The following MGAT4C variants were observed in gnomAD, a reference collection of about 807,000 sequenced individuals.
The protein encoded by MGAT4C is MGAT4 family member C, also known as alpha-1,3-mannosyl-glycoprotein 4-beta-N-acetylglucosaminyltransferase C.
A neutral mutation model predicts 40.1 loss-of-function variants in MGAT4C; 19 were observed. That is an observed-to-expected ratio of 0.47 (90% CI 0.33 to 0.70). The LOEUF (loss-of-function observed/expected upper bound fraction) is 0.70, where lower values mean the gene tolerates loss of function less well. MGAT4C is among the 30% of genes least tolerant of loss of function. The pLI is 0.02. For missense variants in MGAT4C, 491 were observed against 563.2 expected (o/e 0.87, Z 1.30); for synonymous variants, 181 against 187.1 (o/e 0.97, Z 0.27).
chr12:86,750,975 G>A (rs1391838430), intron 1 of MGAT4C, among the ~76,000 whole-genome samples: 1 of 151,904 alleles, frequency 6.6e-6, no homozygotes, highest in Non-Finnish European at 1.5e-5. Flanking sequence ...TTAAAGTGCT[G>A]TGAGAGGGTT....
intron 3 of MGAT4C, among the ~76,000 whole-genome samples, chr12:86,347,036 G>A (rs1393991275): frequency 6.6e-6 from 1 of 152,146 alleles, no homozygotes; most frequent in East Asian, 1.9e-4. Context: ...GGCACAGACT[G>A]AAGACTGCAC....
intron 2 of MGAT4C, among the ~76,000 whole-genome samples, chr12:86,664,030 A>C (rs1964041585): frequency 6.6e-6 from 1 of 152,154 alleles, no homozygotes; most frequent in African/African-American, 2.4e-5. Flanking sequence ...CTTGGCATTC[A>C]AACATTTGGA....
intron 1 of MGAT4C, among the ~76,000 whole-genome samples, chr12:86,104,477 C>T (rs1466731983): frequency 6.6e-6 from 1 of 151,812 alleles, no homozygotes; most frequent in African/African-American, 2.4e-5. Flanking sequence ...AAAATTGTCT[C>T]GTAATATTTA....
At chr12:86,603,649 T>C (rs1331279657) in intron 2 of MGAT4C, among the ~76,000 whole-genome samples, 1 of 125,974 alleles carries the variant, frequency 7.9e-6, no homozygotes, top group Non-Finnish European at 1.6e-5. Context: ...ATAGTATATA[T>C]TATATAGTCT....
At chr12:86,293,407 C>T (rs560836397) in intron 4 of MGAT4C, among the ~76,000 whole-genome samples, 116 of 152,098 alleles carry the variant, frequency 7.6e-4, no homozygotes, top group African/African-American at 2.6e-3. Flanking sequence ...TTTATCACTA[C>T]TTTTTAGATA....
chr12:86,448,497 T>A (rs1034163272), intron 2 of MGAT4C, among the ~76,000 whole-genome samples: 1 of 152,140 alleles, frequency 6.6e-6, no homozygotes, highest in African/African-American at 2.4e-5. Context: ...AAATGAAAAA[T>A]TATATCATTT....
chr12:86,364,592 G>T (rs1177675507), intron 3 of MGAT4C, among the ~76,000 whole-genome samples: 3 of 152,080 alleles, frequency 2.0e-5, no homozygotes, highest in African/African-American at 7.2e-5. Context: ...CAGATATTGG[G>T]CAAAATTCAC....
At chr12:86,003,747 TGAAGAAGAAGAA>T (rs147837764) in intron 2 of MGAT4C, among the ~76,000 whole-genome samples, 2 of 151,074 alleles carry the variant, frequency 1.3e-5, no homozygotes, top group African/African-American at 2.4e-5. Context: ...TGAAGTTTTG[TGAAGAAGAAGAA>T]GAAGAAGAAG....
chr12:86,090,593 A>G (rs927036451), intron 1 of MGAT4C, among the ~76,000 whole-genome samples: 4 of 151,824 alleles, frequency 2.6e-5, no homozygotes, highest in Admixed American at 1.3e-4. Context: ...CCGCAATGAG[A>G]AGTCTAATAC....
intron 2 of MGAT4C, among the ~76,000 whole-genome samples, chr12:86,017,710 G>T (rs77514354): frequency 0.071 from 10,767 of 152,078 alleles, 532 homozygotes; most frequent in Middle Eastern, 0.23. Context: ...ACGCAATTTA[G>T]GGACAGATAT....
chr12:86,371,605 C>G (rs1181520692), intron 3 of MGAT4C, among the ~76,000 whole-genome samples: 2 of 151,936 alleles, frequency 1.3e-5, no homozygotes, highest in Admixed American at 1.3e-4. Flanking sequence ...TATAAAGCCT[C>G]CCTCCCTATC....
At chr12:86,390,093 C>A (rs1275532349) in intron 3 of MGAT4C, among the ~76,000 whole-genome samples, 1 of 152,126 alleles carries the variant, frequency 6.6e-6, no homozygotes, top group African/African-American at 2.4e-5. Context: ...CTTGATTCAA[C>A]TGAGGATTCC....
At chr12:86,057,080 A>G (rs1490449539) in intron 1 of MGAT4C, among the ~76,000 whole-genome samples, 1 of 152,112 alleles carries the variant, frequency 6.6e-6, no homozygotes, top group Non-Finnish European at 1.5e-5. Context: ...TTTTATTTAA[A>G]AAAATTTCTT....
intron 2 of MGAT4C, among the ~76,000 whole-genome samples, chr12:86,608,426 A>T (rs1049860534): frequency 2.6e-5 from 4 of 152,038 alleles, no homozygotes; most frequent in African/African-American, 7.2e-5. Flanking sequence ...AAAAAAATTT[A>T]AAAAAATAAC....
intron 2 of MGAT4C, among the ~76,000 whole-genome samples, chr12:86,668,906 CCA>C (rs1343580947): frequency 6.6e-6 from 1 of 152,172 alleles, no homozygotes; most frequent in Non-Finnish European, 1.5e-5. Flanking sequence ...TGCTCCACCC[CCA>C]GACAGAAATC....
At chr12:86,294,347 A>G (rs752677456) in intron 4 of MGAT4C, among the ~76,000 whole-genome samples, 14 of 130,990 alleles carry the variant, frequency 1.1e-4, no homozygotes, top group Non-Finnish European at 1.8e-4. Context: ...GGTGTTATTC[A>G]CACTCACTAA....
chr12:86,324,104 T>C (rs141815185), intron 4 of MGAT4C, among the ~76,000 whole-genome samples: 32 of 152,096 alleles, frequency 2.1e-4, no homozygotes, highest in African/African-American at 7.7e-4. Flanking sequence ...GTAAATTAAG[T>C]ATACTGTCAC....
chr12:86,588,229 C>CA (rs1308662438), intron 2 of MGAT4C, among the ~76,000 whole-genome samples: 4 of 151,112 alleles, frequency 2.6e-5, no homozygotes, highest in South Asian at 2.1e-4. Context: ...AAATGGAAAA[C>CA]AAAAAAAGGC....
chr12:86,698,723 A>C (rs1950303564), intron 2 of MGAT4C, among the ~76,000 whole-genome samples: 1 of 152,082 alleles, frequency 6.6e-6, no homozygotes, highest in African/African-American at 2.4e-5. Flanking sequence ...GTGCCGCATA[A>C]GTTCATTTCA....
Sources: gnomAD v4.1 joint callset for allele counts (sites outside exome capture counted in the v4.1 genomes callset) on GRCh38, gnomAD v4.1.1 for gene constraint, MANE v1.5 for transcripts, NCBI Gene and HGNC (gene_info 2026-07-23, HGNC 2026-07-21) for gene names.